SDC3: variants seen among roughly 807,000 people sequenced by gnomAD.
The protein encoded by SDC3 is syndecan-3.
Under a neutral mutation model 24.4 loss-of-function variants are expected in SDC3, and 13 were observed. The observed-to-expected ratio is 0.53, with a 90% CI of 0.35 to 0.85. SDC3 has a LOEUF of 0.85. Ranked by LOEUF, SDC3 falls within the 40% of genes least tolerant of loss-of-function variation. SDC3 has a pLI of 0.01. For missense variants in SDC3, 571 were observed against 584.5 expected, an observed-to-expected ratio of 0.98 and a Z score of 0.24; for synonymous variants, 295 against 260.9, an observed-to-expected ratio of 1.13 and a Z score of -1.26.
intron 2 of SDC3, 159 bp downstream of exon 2, chr1:30,878,464 C>T (rs1369464671): frequency 4.9e-6 from 3 of 616,890 alleles, no homozygotes; most frequent in Non-Finnish European, 8.7e-6. Flanking sequence ...ATGTTCTGCC[C>T]TTCTTGTTCT....
At chr1:30,894,381 AGT>A (rs377136090) in intron 1 of SDC3, among the ~76,000 whole-genome samples, 155 of 57,400 alleles carry the variant, frequency 2.7e-3, no homozygotes, top group Middle Eastern at 0.015. Context: ...TGTGGGTGAG[AGT>A]GTGAGTGTGT....
At chr1:30,874,062 G>A (rs996489559) in intron 4 of SDC3, among the ~76,000 whole-genome samples, 1 of 152,176 alleles carries the variant, frequency 6.6e-6, no homozygotes, top group Non-Finnish European at 1.5e-5. Flanking sequence ...AGGACACTGA[G>A]GGAAGACCTA....
chr1:30,886,435 C>T lies in SDC3; in HGVS notation c.139-7695G>A, dbSNP rs148993377. On this transcript the variant is annotated intron_variant, in intron 1 of 4. Transcript: ENST00000339394. ...TCCTTTCTTGGGGACTCAGTACCTC[C>T]ACTGTGTTGTCATTTACTAAGGGAG... Among the ~76,000 whole-genome samples, 505 of 152,252 alleles carry T rather than the reference C, an allele frequency of 3.3e-3. 3 individuals carry two copies. The highest frequency in any genetic ancestry group is 0.031 in the Middle Eastern group (9 of 294).
chr1:30,891,312 T>A (rs994215045), intron 1 of SDC3, among the ~76,000 whole-genome samples: 2 of 152,166 alleles, frequency 1.3e-5, no homozygotes, highest in East Asian at 3.9e-4. Context: ...CCTGGCCCCA[T>A]CTTCACCTGG....
At chr1:30,894,562 G>C (rs986953995) in intron 1 of SDC3, among the ~76,000 whole-genome samples, 3 of 145,250 alleles carry the variant, frequency 2.1e-5, no homozygotes, top group South Asian at 2.2e-4. Context: ...GTGTGGGTGA[G>C]AGTGTGTGGG....
At chr1:30,883,602 C>A (rs1051060932) in intron 1 of SDC3, among the ~76,000 whole-genome samples, 2 of 152,142 alleles carry the variant, frequency 1.3e-5, no homozygotes, top group Admixed American at 1.3e-4. Flanking sequence ...TGCACACAGT[C>A]GGAGCCGTAT....
intron 1 of SDC3, among the ~76,000 whole-genome samples, chr1:30,887,275 C>G (rs949586056): frequency 6.6e-6 from 1 of 151,998 alleles, no homozygotes; most frequent in Non-Finnish European, 1.5e-5. Flanking sequence ...AAGGGTTGCC[C>G]GCTCCTGGGG....
At position 30,872,369 on chromosome 1, in the gene SDC3, C is replaced by T. The variant is rs1639553633; in HGVS notation, c.*842G>A. On this transcript the variant is annotated 3_prime_UTR_variant, in exon 5 of 5. Transcript: ENST00000339394. ...TAAGTGATGCATGAGGATAAACATT[C>T]TTGGAAGGACGCGTGTGTTCTGTGA... 6.6e-6 allele frequency: 1 copy of T among 152,318 alleles called. No homozygotes were observed. The highest frequency in any genetic ancestry group is 6.5e-5 in the Admixed American group (1 of 15,278). 9.4% of individuals were successfully genotyped at this position (152,318 alleles called of 1,614,324 possible). A position where few individuals can be genotyped will look rare whatever the true frequency, so the allele number is the denominator to read the frequency against.
At chr1:30,890,184 C>A (rs961878623) in intron 1 of SDC3, among the ~76,000 whole-genome samples, 22 of 152,226 alleles carry the variant, frequency 1.4e-4, no homozygotes, top group African/African-American at 5.3e-4. Context: ...GTGGCACGTG[C>A]CTGTAGTCCC....
intron 1 of SDC3, among the ~76,000 whole-genome samples, chr1:30,899,806 C>G (rs1456939807): frequency 6.6e-6 from 1 of 152,162 alleles, no homozygotes; most frequent in Non-Finnish European, 1.5e-5. Context: ...GTAAACCTGC[C>G]TGAAGCAAGA....
At chr1:30,880,980 A>C (rs1570000896) in intron 1 of SDC3, among the ~76,000 whole-genome samples, 1 of 133,148 alleles carries the variant, frequency 7.5e-6, no homozygotes, top group Non-Finnish European at 1.6e-5. Context: ...CAACCCCCCC[A>C]TGCCTGATAG....
chr1:30,905,078 C>A (rs1266640470), intron 1 of SDC3, among the ~76,000 whole-genome samples: 1 of 152,138 alleles, frequency 6.6e-6, no homozygotes, highest in Non-Finnish European at 1.5e-5. Flanking sequence ...CCCCCAAATG[C>A]TGGAAGGGGA....
At chr1:30,895,242 C>T (rs917642481) in intron 1 of SDC3, among the ~76,000 whole-genome samples, 1 of 152,152 alleles carries the variant, frequency 6.6e-6, no homozygotes, top group African/African-American at 2.4e-5. Flanking sequence ...TGCAGGTACA[C>T]GCAAACCCCT....
In SDC3 at chr1:30,869,583, C is replaced by T; in HGVS notation, c.*3628G>A. The T allele has an allele frequency of 2.5e-6, 1 of 392,992 alleles. No individual in the cohort carries two copies. The highest frequency in any genetic ancestry group is 4.5e-6 in the Non-Finnish European group (1 of 222,934). 24.3% of individuals were successfully genotyped at this position (392,992 alleles called of 1,614,324 possible). On this transcript the variant is annotated 3_prime_UTR_variant, in exon 5 of 5. Coordinates refer to ENST00000339394, the MANE Select transcript of SDC3 (RefSeq NM_014654.4). ...AAAACAAAAACAAAACCAGTTCCTT[C>T]ACAAGGCTGGAACAGGAGAGTACCC...
rs1419271687 is a variant in SDC3, at chr1:30,908,464, C to T, written c.123G>A (p.Ala41=). Residue 41 remains alanine, a synonymous_variant, in exon 1 of 5, where the codon GCG becomes GCA. Transcript: ENST00000339394. ...LLPPLLLLLL[A]GRAAGAQRWR... ...TGTCACTCACCCCCGCGGCGCGCCCCGCCAGCAGCAGCAGCAGCAGCGGTG... is the reference window on the plus strand; with the variant it reads ...TGTCACTCACCCCCGCGGCGCGCCCTGCCAGCAGCAGCAGCAGCAGCGGTG... 1.9e-6 allele frequency: 2 copies of T among 1,036,858 alleles called. No individual in the cohort carries two copies. The highest frequency in any genetic ancestry group is 2.3e-6 in the Non-Finnish European group (2 of 859,954). 64.2% of individuals were successfully genotyped at this position (1,036,858 alleles called of 1,614,324 possible). A position where few individuals can be genotyped will look rare whatever the true frequency, so the allele number is the denominator to read the frequency against.
rs1639522867 is a variant in SDC3, at chr1:30,870,906, T to A, written c.*2305A>T. 6.6e-6 allele frequency: 1 copy of A among 152,440 alleles called. No individual in the cohort carries two copies. The highest frequency in any genetic ancestry group is 2.1e-4 in the South Asian group (1 of 4,830). 9.4% of individuals were successfully genotyped at this position (152,440 alleles called of 1,614,324 possible). A position where few individuals can be genotyped will look rare whatever the true frequency, so the allele number is the denominator to read the frequency against. Reference sequence around the variant, plus strand: ...TCTCAGCCTCGGCCTGCCCAGGCCGTCTCACCAGAGCTGTGCTCTCCAAGA... The same window carrying A: ...TCTCAGCCTCGGCCTGCCCAGGCCGACTCACCAGAGCTGTGCTCTCCAAGA... On this transcript the variant is annotated 3_prime_UTR_variant, in exon 5 of 5. Coordinates refer to ENST00000339394, the MANE Select transcript of SDC3 (RefSeq NM_014654.4).
chr1:30,896,944 CAG>C (rs1305376982), intron 1 of SDC3, among the ~76,000 whole-genome samples: 1 of 152,120 alleles, frequency 6.6e-6, no homozygotes, highest in Non-Finnish European at 1.5e-5. Flanking sequence ...ATCTGGGCAA[CAG>C]AGTAAAAGTC....
At chr1:30,907,966 C>T (rs1292497863) in intron 1 of SDC3, among the ~76,000 whole-genome samples, 1 of 152,196 alleles carries the variant, frequency 6.6e-6, no homozygotes, top group African/African-American at 2.4e-5. Context: ...AGGCAAAAGC[C>T]AGGCTCACTC....
In SDC3 at chr1:30,892,234, C is replaced by T. The variant is rs369534184; in HGVS notation, c.139-13494G>A. Among the ~76,000 whole-genome samples the T allele has an allele frequency of 2.9e-4, 44 of 152,232 alleles. 1 individual carries two copies. The East Asian group carries it at 7.7e-3, about 27-fold the overall frequency. The stretch of plus-strand genomic sequence containing the variant: ...CTCCACTCCTCATGTGTCACCTGAA[C>T]GTGGCTTCCCTGAATCAAACTGCTT... On this transcript the variant is annotated intron_variant, in intron 1 of 4. Coordinates refer to ENST00000339394, the MANE Select transcript of SDC3 (RefSeq NM_014654.4).
Sources: allele counts gnomAD v4.1 joint callset (sites outside exome capture counted in the v4.1 genomes callset), GRCh38; gene constraint gnomAD v4.1.1; transcripts MANE v1.5; gene names NCBI Gene and HGNC (gene_info 2026-07-23, HGNC 2026-07-21).